OPCML: variants seen among roughly 807,000 people sequenced by gnomAD.
OPCML encodes the protein opioid-binding protein/cell adhesion molecule.
A neutral mutation model predicts 37.8 loss-of-function variants in OPCML; 13 were observed. That is an observed-to-expected ratio of 0.34 (90% confidence interval 0.22 to 0.55). The LOEUF (loss-of-function observed/expected upper bound fraction) is 0.55, where lower values mean the gene tolerates loss of function less well. Ranked by LOEUF, OPCML falls within the 20% of genes least tolerant of loss-of-function variation. The pLI, the probability that OPCML is intolerant of heterozygous loss-of-function variation, is 0.91. For synonymous variants in OPCML, 176 were observed against 168.8 expected (o/e 1.04, Z -0.33); for missense variants, 341 against 435.6 (o/e 0.78, Z 1.93).
chr11:132,561,658 G>A (rs1014510303), intron 3 of OPCML, among the ~76,000 whole-genome samples: 5 of 152,098 alleles, frequency 3.3e-5, no homozygotes, highest in African/African-American at 7.2e-5. Context: ...TCAACTTTAG[G>A]GCTTCACTGT....
At chr11:133,286,436 C>G (rs745926185) in intron 1 of OPCML, among the ~76,000 whole-genome samples, 5 of 120,432 alleles carry the variant, frequency 4.2e-5, no homozygotes, top group South Asian at 2.8e-4. Context: ...CGCCACTGCA[C>G]TCCAGCCTGG....
At position 133,258,130 on chromosome 11, in the gene OPCML, G is replaced by T. The variant is rs61912371; in HGVS notation, c.61+274134C>A. Among the ~76,000 whole-genome samples the T allele has an allele frequency of 2.9e-3, 436 of 152,210 alleles. 1 individual carries two copies. The highest frequency in any genetic ancestry group is 5.1e-3 in the Non-Finnish European group (349 of 68,012). ...ACATGTCCTGGACCTTCTCCCTGGG[G>T]TCCCCTTGCCTTAGCTTATGCAGGC... is the stretch of plus-strand genomic sequence containing the variant. On this transcript the variant is annotated intron_variant, in intron 1 of 7. Transcript: ENST00000524381.
At chr11:132,464,065 A>T (rs1317243023) in intron 4 of OPCML, among the ~76,000 whole-genome samples, 1 of 152,198 alleles carries the variant, frequency 6.6e-6, no homozygotes, top group African/African-American at 2.4e-5. Flanking sequence ...AATACATTTC[A>T]TGACTTTTTC....
chr11:132,542,407 G>T (rs766505866), intron 3 of OPCML, among the ~76,000 whole-genome samples: 8 of 152,144 alleles, frequency 5.3e-5, no homozygotes, highest in Non-Finnish European at 1.2e-4. Context: ...TCTTTGAGGG[G>T]AAATGTGGTT....
chr11:132,619,683 CAA>C (rs67315430), intron 3 of OPCML, among the ~76,000 whole-genome samples: 20,685 of 135,432 alleles, frequency 0.15, 2,048 homozygotes, highest in East Asian at 0.45. Flanking sequence ...CTGAAAATAC[CAA>C]AAAAAAAAAA....
intron 4 of OPCML, among the ~76,000 whole-genome samples, chr11:132,480,619 G>C (rs555220857): frequency 2.1e-4 from 32 of 152,334 alleles, no homozygotes; most frequent in African/African-American, 7.0e-4. Flanking sequence ...CAGCCAGAGA[G>C]AAAGGTCGGG....
rs146623506 is a variant in OPCML at position 133,170,331 on chromosome 11, A to G, written c.62-227321T>C. ...CTCTAATAAAAATACAAAAAAATAC[A>G]AAAACTTAGCCGGATGTGGTGGTGG... On this transcript the variant is annotated intron_variant, in intron 1 of 7. Coordinates refer to ENST00000524381, the MANE Select transcript of OPCML (RefSeq NM_001012393.5). 4.4e-3 allele frequency among the ~76,000 whole-genome samples: 668 copies of G among 152,292 alleles called. 2 individuals are homozygous for G. Among genetic ancestry groups the G allele is most frequent in the Middle Eastern group, 6.8e-3 (2 of 294 alleles).
chr11:132,499,837 C>T lies in OPCML; in HGVS notation c.505+29224G>A, dbSNP rs141839130. ...TGTTAACTGCAGGAAGTTAACATCA[C>T]GGTATGTTCTGCCAACAGGGAACAC... On this transcript the variant is annotated intron_variant, in intron 4 of 7. Transcript: ENST00000524381. Among the ~76,000 whole-genome samples the T allele has an allele frequency of 8.5e-5, 13 of 152,326 alleles. No homozygotes were observed. The East Asian group carries it at 1.2e-3, about 14-fold the overall frequency.
At chr11:132,947,656 AGC>A (rs1945773924) in intron 1 of OPCML, among the ~76,000 whole-genome samples, 1 of 152,236 alleles carries the variant, frequency 6.6e-6, no homozygotes, top group African/African-American at 2.4e-5. Context: ...ACAGAAAATG[AGC>A]TGAGGTTCAC....
intron 1 of OPCML, among the ~76,000 whole-genome samples, chr11:133,168,864 C>T (rs748886811): frequency 5.3e-4 from 81 of 152,302 alleles, no homozygotes; most frequent in Non-Finnish European, 9.3e-4. Flanking sequence ...CACGGTGGCT[C>T]ACTCCTGTAA....
intron 2 of OPCML, among the ~76,000 whole-genome samples, chr11:132,703,162 C>T (rs1943897053): frequency 6.6e-6 from 1 of 152,070 alleles, no homozygotes; most frequent in South Asian, 2.1e-4. Flanking sequence ...AGAGTATACT[C>T]ACACAAGCCT....
chr11:133,227,587 C>G (rs1271258986), intron 1 of OPCML, among the ~76,000 whole-genome samples: 1 of 151,958 alleles, frequency 6.6e-6, no homozygotes, highest in African/African-American at 2.4e-5. Context: ...TGAAGCACAG[C>G]CAGCAACCTA....
chr11:132,893,238 G>A (rs1029709323), intron 2 of OPCML, among the ~76,000 whole-genome samples: 2 of 152,142 alleles, frequency 1.3e-5, no homozygotes, highest in African/African-American at 4.8e-5. Flanking sequence ...CTCCAGCCTG[G>A]GGGATAGAGC....
At chr11:132,895,901 G>A (rs563656827) in intron 2 of OPCML, among the ~76,000 whole-genome samples, 3 of 152,178 alleles carry the variant, frequency 2.0e-5, no homozygotes, top group Non-Finnish European at 4.4e-5. Context: ...GAGGAGGTGT[G>A]CCATGTTCCA....
At chr11:132,540,870 T>C (rs149545176) in intron 3 of OPCML, among the ~76,000 whole-genome samples, 424 of 152,346 alleles carry the variant, frequency 2.8e-3, no homozygotes, top group African/African-American at 9.5e-3. Flanking sequence ...AGGAACTGAA[T>C]GCAGCAAAAG....
At chr11:132,908,517 C>G (rs1204316274) in intron 2 of OPCML, among the ~76,000 whole-genome samples, 2 of 152,192 alleles carry the variant, frequency 1.3e-5, no homozygotes, top group African/African-American at 4.8e-5. Context: ...TCCAAGCCCT[C>G]TCCCTGGGTC....
chr11:133,369,743 C>T (rs981765832), intron 1 of OPCML, among the ~76,000 whole-genome samples: 1 of 152,004 alleles, frequency 6.6e-6, no homozygotes, highest in African/African-American at 2.4e-5. Context: ...CCCACACACA[C>T]CATTATCAAT....
intron 1 of OPCML, among the ~76,000 whole-genome samples, chr11:133,479,187 A>G (rs1947319484): frequency 2.0e-5 from 3 of 152,198 alleles, no homozygotes; most frequent in African/African-American, 7.2e-5. Flanking sequence ...AGGAACTGTA[A>G]CAGATGCAGC....
intron 2 of OPCML, among the ~76,000 whole-genome samples, chr11:132,775,589 C>T (rs547702997): frequency 6.6e-6 from 1 of 152,280 alleles, no homozygotes; most frequent in African/African-American, 2.4e-5. Flanking sequence ...GGCTGCCTGT[C>T]GATTGCCACT....
Sources: allele counts gnomAD v4.1 joint callset (sites outside exome capture counted in the v4.1 genomes callset), GRCh38; gene constraint gnomAD v4.1.1; transcripts MANE v1.5; gene names NCBI Gene and HGNC (gene_info 2026-07-23, HGNC 2026-07-21).